The following VPS54 variants were observed in gnomAD, a reference collection of about 807,000 sequenced individuals.
VPS54 encodes the protein VPS54 subunit of GARP complex.
A neutral mutation model predicts 121.5 loss-of-function variants in VPS54; 45 were observed. The observed-to-expected ratio is 0.37, with a 90% CI of 0.29 to 0.47. The LOEUF is 0.47. Ranked by LOEUF, VPS54 falls within the 20% of genes least tolerant of loss-of-function variation. VPS54 has a pLI of 0.99. For missense variants in VPS54, 1,090 were observed against 1,131.4 expected (o/e 0.96, Z 0.52); for synonymous variants, 371 against 385.8 (o/e 0.96, Z 0.45).
At chr2:64,001,064 G>A (rs780943143) in intron 1 of VPS54, among the ~76,000 whole-genome samples, 3 of 152,176 alleles carry the variant, frequency 2.0e-5, no homozygotes, top group African/African-American at 4.8e-5. Flanking sequence ...CTATTATACT[G>A]CAGCTGAGCT....
chr2:63,911,447 A>G (rs1410408235), intron 20 of VPS54, among the ~76,000 whole-genome samples: 2 of 152,200 alleles, frequency 1.3e-5, no homozygotes, highest in Admixed American at 6.5e-5. Flanking sequence ...GAATCTGGGA[A>G]GTAAAAGCCG....
At position 63,912,751 on chromosome 2, in the gene VPS54, A is replaced by G. The variant is rs367981465; in HGVS notation, c.2423-90T>C. The G allele has an allele frequency of 7.9e-5, 115 of 1,460,910 alleles. No homozygotes were observed. The African/African-American group carries it at 1.4e-3, about 18-fold the overall frequency. 90.5% of individuals were successfully genotyped at this position (1,460,910 alleles called of 1,614,324 possible). A position where few individuals can be genotyped will look rare whatever the true frequency, so the allele number is the denominator to read the frequency against. On this transcript the variant is annotated intron_variant, in intron 18 of 22. Coordinates refer to ENST00000272322, the MANE Select transcript of VPS54 (RefSeq NM_016516.3). ...AATTACAAATCAAATCAAATAAAAA[A>G]CATCACTTATAAAGAACCAGTTTAT...
At chr2:63,938,714 C>T (rs1051199184) in intron 11 of VPS54, among the ~76,000 whole-genome samples, 3 of 152,214 alleles carry the variant, frequency 2.0e-5, no homozygotes, top group African/African-American at 7.2e-5. Flanking sequence ...ATCCACCCAC[C>T]TCAGCCTCCC....
chr2:63,966,812 C>A (rs147298927), intron 5 of VPS54, among the ~76,000 whole-genome samples: 19 of 152,318 alleles, frequency 1.2e-4, no homozygotes, highest in African/African-American at 4.1e-4. Context: ...ATATTCAATT[C>A]TCTTCCATAC....
chr2:64,000,413 G>T (rs1426400605), intron 1 of VPS54, among the ~76,000 whole-genome samples: 1 of 152,140 alleles, frequency 6.6e-6, no homozygotes, highest in Non-Finnish European at 1.5e-5. Context: ...AGTTCATCTG[G>T]AGAGGTCATA....
intron 12 of VPS54, among the ~76,000 whole-genome samples, chr2:63,924,732 C>T (rs1232905900): frequency 2.6e-5 from 4 of 152,064 alleles, no homozygotes; most frequent in Non-Finnish European, 1.5e-5. Context: ...GGTGTAAAGA[C>T]AGAAAAATGA....
chr2:63,914,314 A>G (rs1242891076), intron 16 of VPS54, 27 bp from the exon 17 acceptor site: 1 of 1,473,896 alleles, frequency 6.8e-7, no homozygotes, highest in Non-Finnish European at 9.4e-7. Flanking sequence ...ATGGCCCAAT[A>G]GGAAATCAAA....
intron 16 of VPS54, among the ~76,000 whole-genome samples, chr2:63,915,851 G>C (rs1005554405): frequency 6.6e-6 from 1 of 152,086 alleles, no homozygotes; most frequent in African/African-American, 2.4e-5. Flanking sequence ...GCTTATTATG[G>C]TGCCAAGAAA....
chr2:63,944,684 A>G, intron 9 of VPS54, 29 bp from the exon 10 acceptor site: 1 of 1,560,398 alleles, frequency 6.4e-7, no homozygotes, highest in Non-Finnish European at 8.8e-7. Context: ...AACAAAAACA[A>G]TTTGATTAAT....
At chr2:63,954,569 G>A (rs1005090856) in intron 7 of VPS54, among the ~76,000 whole-genome samples, 3 of 152,024 alleles carry the variant, frequency 2.0e-5, no homozygotes, top group African/African-American at 7.2e-5. Flanking sequence ...TAAAGAAAGT[G>A]GGATAGAATT....
chr2:63,962,487 C>T lies in VPS54; in HGVS notation c.625-44G>A, dbSNP rs201921781. ...AAAATATGAAGTACTATGAGCATAC[C>T]TTCCTTGATTATCCAAATACTTTAT... On this transcript the variant is annotated intron_variant, in intron 6 of 22. Transcript: ENST00000272322. 8 of 1,530,478 alleles carry T rather than the reference C, an allele frequency of 5.2e-6. No homozygotes were observed. The East Asian group carries it at 1.8e-4, about 35-fold the overall frequency. 94.8% of individuals were successfully genotyped at this position (1,530,478 alleles called of 1,614,324 possible).
In VPS54 at chr2:64,019,089, C is replaced by G. The variant is rs1042517265; in HGVS notation, c.-172G>C. 6.6e-6 allele frequency: 1 copy of G among 151,204 alleles called. No homozygotes were observed. Among genetic ancestry groups the G allele is most frequent in the Admixed American group, 6.6e-5 (1 of 15,134 alleles). The allele number at this position is 151,204 out of a possible 1,614,324, so 9.4% of individuals were successfully genotyped here. ...CGGGTTCCCGCCCCCGCCCCGCGCCCGCTGGCCAGTCGGCCCGGGGAGCAC... is the reference window on the plus strand; with the variant it reads ...CGGGTTCCCGCCCCCGCCCCGCGCCGGCTGGCCAGTCGGCCCGGGGAGCAC... On this transcript the variant is annotated 5_prime_UTR_variant, in exon 1 of 23. Transcript: ENST00000272322.
intron 2 of VPS54, among the ~76,000 whole-genome samples, chr2:63,982,848 C>G (rs1020168290): frequency 6.6e-6 from 1 of 152,154 alleles, no homozygotes; most frequent in Admixed American, 6.5e-5. Context: ...AAAGGCAGAG[C>G]TTTGTCTTGT....
At chr2:63,917,536 A>C (rs144062244) in intron 15 of VPS54, among the ~76,000 whole-genome samples, 2 of 152,158 alleles carry the variant, frequency 1.3e-5, no homozygotes, top group East Asian at 3.9e-4. Flanking sequence ...TATTGAGGTG[A>C]AAAGAACAGT....
chr2:63,999,621 T>C (rs1385178985), intron 1 of VPS54, among the ~76,000 whole-genome samples: 4 of 152,202 alleles, frequency 2.6e-5, no homozygotes, highest in African/African-American at 4.8e-5. Context: ...ACTTGGATAT[T>C]AATATCTTTC....
chr2:63,950,672 G>C (rs1010582957), intron 7 of VPS54, among the ~76,000 whole-genome samples: 1 of 152,188 alleles, frequency 6.6e-6, no homozygotes, highest in African/African-American at 2.4e-5. Context: ...GGGCAGTCCT[G>C]ATCAGAAACC....
At chr2:63,964,454 T>C (rs1044676573) in intron 6 of VPS54, among the ~76,000 whole-genome samples, 1 of 152,210 alleles carries the variant, frequency 6.6e-6, no homozygotes, top group African/African-American at 2.4e-5. Context: ...TATACATTGA[T>C]GAGACTTTTA....
chr2:63,895,411 G>A (rs1038427509), intron 22 of VPS54, among the ~76,000 whole-genome samples: 2 of 152,096 alleles, frequency 1.3e-5, no homozygotes, highest in Admixed American at 6.5e-5. Context: ...CTGAGATCAC[G>A]CCACTGCGCT....
chr2:63,927,763 G>A (rs1471373140), intron 12 of VPS54, among the ~76,000 whole-genome samples: 1 of 152,134 alleles, frequency 6.6e-6, no homozygotes, highest in East Asian at 1.9e-4. Context: ...TAAAAACCTT[G>A]AAAGAAGATT....
Sources: gnomAD v4.1 joint callset for allele counts (sites outside exome capture counted in the v4.1 genomes callset) on GRCh38, gnomAD v4.1.1 for gene constraint, MANE v1.5 for transcripts, NCBI Gene and HGNC (gene_info 2026-07-23, HGNC 2026-07-21) for gene names.